The following EXPH5 variants were observed in gnomAD, a reference collection of about 807,000 sequenced individuals.
EXPH5 encodes the protein exophilin-5.
Under a neutral mutation model 41.1 loss-of-function variants are expected in EXPH5, and 42 were observed. The ratio of observed to expected loss-of-function variants is 1.02; its 90% CI spans 0.80 to 1.32. The LOEUF (loss-of-function observed/expected upper bound fraction) is 1.32. EXPH5 is among the 40% of genes most tolerant of loss of function. The pLI, the probability that EXPH5 is intolerant of heterozygous loss-of-function variation, is 0.00. For missense variants in EXPH5, 2,298 were observed against 2,314.5 expected (o/e 0.99, Z 0.15); for synonymous variants, 798 against 833.5 (o/e 0.96, Z 0.73).
At position 108,511,260 on chromosome 11, in the gene EXPH5, G is replaced by T. The variant is rs1471695930; in HGVS notation, c.4247C>A (p.Ser1416Tyr). ...GGGACCACTGTTACTTGAATTAATGGATTGTTGACAATTTTCAGATTTTTC... is the reference window on the plus strand; with the variant it reads ...GGGACCACTGTTACTTGAATTAATGTATTGTTGACAATTTTCAGATTTTTC... The part of the protein sequence containing the change: ...SEEKSENCQQ[S>Y]INSSNSGPSS... Residue 1416 changes from serine (S) to tyrosine (Y), a missense_variant, in exon 6 of 6, where the codon TCC becomes TAC. Physicochemically the swap from Ser to Tyr is moderately radical, Grantham distance 144. Transcript: ENST00000265843. 1.9e-6 allele frequency: 3 copies of T among 1,608,394 alleles called. No individual in the cohort carries two copies. Among genetic ancestry groups the T allele is most frequent in the Non-Finnish European group, 2.5e-6 (3 of 1,178,714 alleles).
At chr11:108,581,605 G>A (rs927017763) in intron 1 of EXPH5, among the ~76,000 whole-genome samples, 1 of 151,446 alleles carries the variant, frequency 6.6e-6, no homozygotes, top group Non-Finnish European at 1.5e-5. Flanking sequence ...TAAGAAATGA[G>A]AAAAAAATAG....
the EXPH5 span, among the ~76,000 whole-genome samples, chr11:108,600,038 C>T: frequency 1.3e-5 from 2 of 152,194 alleles, no homozygotes; most frequent in Admixed American, 6.5e-5. Flanking sequence ...AACTTGGAAT[C>T]TACAAGTAAG....
intron 1 of EXPH5, among the ~76,000 whole-genome samples, chr11:108,566,433 T>C (rs897676323): frequency 1.3e-5 from 2 of 152,166 alleles, no homozygotes; most frequent in Non-Finnish European, 2.9e-5. Context: ...TGTTTTTGTT[T>C]TGTTTGTTTT....
chr11:108,590,067 A>G (rs2094123778), intron 1 of EXPH5, among the ~76,000 whole-genome samples: 1 of 152,216 alleles, frequency 6.6e-6, no homozygotes, highest in Non-Finnish European at 1.5e-5. Context: ...TCTCCTACTA[A>G]TGAGAAATAT....
intron 1 of EXPH5, among the ~76,000 whole-genome samples, chr11:108,582,094 C>T (rs1404774267): frequency 6.6e-6 from 1 of 152,212 alleles, no homozygotes; most frequent in Non-Finnish European, 1.5e-5. Flanking sequence ...GCTATATAAT[C>T]TCTTCCAGAA....
At chr11:108,515,181 AT>A (rs1331504610) in intron 5 of EXPH5, among the ~76,000 whole-genome samples, 2 of 152,104 alleles carry the variant, frequency 1.3e-5, no homozygotes, top group African/African-American at 4.8e-5. Context: ...TTTTTAGTGC[AT>A]CTAAAGTGTA....
intron 1 of EXPH5, among the ~76,000 whole-genome samples, chr11:108,580,632 A>G (rs1342439855): frequency 2.0e-5 from 3 of 152,240 alleles, no homozygotes; most frequent in Non-Finnish European, 4.4e-5. Context: ...ACTATTCACA[A>G]TAGCCTAGAT....
chr11:108,531,317 C>T (rs564498222), intron 3 of EXPH5, among the ~76,000 whole-genome samples: 2 of 152,188 alleles, frequency 1.3e-5, no homozygotes, highest in African/African-American at 2.4e-5. Flanking sequence ...TGAGGCCCGG[C>T]GCAGTGGCTC....
At position 108,511,061 on chromosome 11, in the gene EXPH5, C is replaced by T; in HGVS notation, c.4446G>A (p.Arg1482=). The T allele has an allele frequency of 6.2e-7, 1 of 1,614,130 alleles. No homozygotes were observed. The highest frequency in any genetic ancestry group is 8.5e-7 in the Non-Finnish European group (1 of 1,180,012). ...VGDGSSGSQP[R]EGRGDIGTNC... is the part of the protein sequence containing the mutation. ...TGGTTCCAATGTCCCCTCTGCCTTCCCTAGGCTGTGATCCACTGGAGCCAT... is the reference window on the plus strand; with the variant it reads ...TGGTTCCAATGTCCCCTCTGCCTTCTCTAGGCTGTGATCCACTGGAGCCAT... The change falls in exon 6 of 6, where the codon AGG becomes AGA. Residue 1482 remains arginine (R), a synonymous_variant. Transcript: ENST00000265843.
intron 1 of EXPH5, among the ~76,000 whole-genome samples, chr11:108,587,708 C>A (rs1295046231): frequency 6.6e-6 from 1 of 152,156 alleles, no homozygotes; most frequent in Non-Finnish European, 1.5e-5. Context: ...AAAAAATAGT[C>A]AAACATTCCA....
At chr11:108,556,496 G>A (rs1224935594) in intron 1 of EXPH5, among the ~76,000 whole-genome samples, 2 of 151,986 alleles carry the variant, frequency 1.3e-5, no homozygotes, top group African/African-American at 4.8e-5. Flanking sequence ...GTTTTGAGAT[G>A]GAGTCTTGCT....
Position 108,541,680 on chromosome 11 carries a change from G to T in EXPH5, c.252C>A (p.Tyr84Ter). The T allele has an allele frequency of 6.2e-7, 1 of 1,607,612 alleles. No individual in the cohort carries two copies. Among genetic ancestry groups the T allele is most frequent in the African/African-American group, 1.3e-5 (1 of 74,712 alleles). ...VSQMLKQPLT[Y>*]RLSKEMAKND... ...TTTTTGCCATCTCCTTACTTAGCCT[G>T]TATGTAAGTGGTTGTTTTAACATTT... is the stretch of plus-strand genomic sequence containing the variant. Residue 84 changes from tyrosine (Y) to a stop codon, truncating the protein, a stop_gained, in exon 2 of 6, where the codon TAC (tyrosine) becomes TAA (stop). Transcript: ENST00000265843. LOFTEE classifies it high-confidence loss of function.
Position 108,571,340 on chromosome 11 carries a change from T to G in EXPH5, c.119+22078A>C, listed in dbSNP as rs180811148. Reference sequence around the variant, plus strand: ...CAACTAAGAATGAATTTTGGTGGAGTGAGGAGGGGTGTTGCTGAGAATAGG... The same window carrying G: ...CAACTAAGAATGAATTTTGGTGGAGGGAGGAGGGGTGTTGCTGAGAATAGG... On this transcript the variant is annotated intron_variant, in intron 1 of 5. Coordinates refer to ENST00000265843, the MANE Select transcript of EXPH5 (RefSeq NM_015065.3). Among the ~76,000 whole-genome samples, 29 of 151,664 alleles carry G rather than the reference T, an allele frequency of 1.9e-4. 1 individual carries two copies. Among genetic ancestry groups the G allele is most frequent in the Non-Finnish European group, 4.1e-4 (28 of 67,892 alleles).
chr11:108,583,592 C>G (rs763794311), intron 1 of EXPH5, among the ~76,000 whole-genome samples: 3 of 150,998 alleles, frequency 2.0e-5, no homozygotes, highest in Non-Finnish European at 2.9e-5. Flanking sequence ...GAGGCCGAGG[C>G]GGGTGGATCA....
rs772336066 is a variant in EXPH5, at chr11:108,509,723, G to T, written c.5784C>A (p.Asn1928Lys). Residue 1928 changes from asparagine (N) to lysine (K), a missense_variant, in exon 6 of 6, where the codon AAC becomes AAA. By Grantham distance (94) the Asn-to-Lys change is moderately conservative. Transcript: ENST00000265843. ...TTAATGACTCTGAGGGGTTGGGAGG[G>T]TTCCTCAAATCATCTTTTAGGAAGC... The part of the protein sequence containing the change: ...NPGFLKDDLR[N>K]PPNPSESLSS... 1.2e-6 allele frequency: 2 copies of T among 1,608,814 alleles called. No homozygotes were observed. Among genetic ancestry groups the T allele is most frequent in the Non-Finnish European group, 1.7e-6 (2 of 1,178,448 alleles).
Position 108,593,605 on chromosome 11 carries a change from T to A in EXPH5, c.-69A>T. 6.2e-7 allele frequency: 1 copy of A among 1,611,708 alleles called. No individual in the cohort carries two copies. The highest frequency in any genetic ancestry group is 1.1e-5 in the South Asian group (1 of 90,752). On this transcript the variant is annotated 5_prime_UTR_variant, in exon 1 of 6. Coordinates refer to ENST00000265843, the MANE Select transcript of EXPH5 (RefSeq NM_015065.3). ...CCTGTTAGGAAGGCATTTTTCAACC[T>A]GTACAAGACCAGTTTCACGAACTTG...
rs757951278 is a variant in EXPH5, at chr11:108,507,496, T to A, written c.*2041A>T. 3 of 152,176 alleles carry A rather than the reference T, an allele frequency of 2.0e-5. No individual in the cohort carries two copies. Among genetic ancestry groups the A allele is most frequent in the Non-Finnish European group, 4.4e-5 (3 of 68,020 alleles). 9.4% of individuals were successfully genotyped at this position (152,176 alleles called of 1,614,324 possible). A position where few individuals can be genotyped will look rare whatever the true frequency, so the allele number is the denominator to read the frequency against. On this transcript the variant is annotated 3_prime_UTR_variant, in exon 6 of 6. Transcript: ENST00000265843. ...CCACTCATGTTGACTATCATAGTAT[T>A]GAGATCCAGGAATCCATGCTGTCTG...
chr11:108,587,022 A>G (rs1311255484), intron 1 of EXPH5, among the ~76,000 whole-genome samples: 1 of 152,200 alleles, frequency 6.6e-6, no homozygotes, highest in Non-Finnish European at 1.5e-5. Flanking sequence ...CACGTTTACG[A>G]AAGACCATGC....
rs2093669847 is a variant in EXPH5, at chr11:108,510,358, T to C, written c.5149A>G (p.Lys1717Glu). ...SESPSKHENS[K>E]DVTAAQNLVR... ...AAATTCTGAGCTGCTGTGACGTCTT[T>C]AGAATTCTCATGCTTTGATGGTGAT... The change falls in exon 6 of 6, where the codon AAA becomes GAA. Residue 1717 changes from lysine (K) to glutamate (E), a missense_variant. Coordinates refer to ENST00000265843, the MANE Select transcript of EXPH5 (RefSeq NM_015065.3). 1.2e-6 allele frequency: 2 copies of C among 1,614,088 alleles called. No individual in the cohort carries two copies. Among genetic ancestry groups the C allele is most frequent in the Non-Finnish European group, 8.5e-7 (1 of 1,180,040 alleles).
Sources: allele counts gnomAD v4.1 joint callset (sites outside exome capture counted in the v4.1 genomes callset), GRCh38; gene constraint gnomAD v4.1.1; transcripts MANE v1.5; gene names NCBI Gene and HGNC (gene_info 2026-07-23, HGNC 2026-07-21).